ZEB1: variants seen among roughly 807,000 people sequenced by gnomAD.
ZEB1 encodes the protein zinc finger E-box-binding homeobox 1.
ZEB1 carries 21 observed loss-of-function variants against 84.9 expected under a neutral mutation model. The observed-to-expected ratio is 0.25, with a 90% CI of 0.18 to 0.36. The LOEUF (loss-of-function observed/expected upper bound fraction) is 0.36. ZEB1 is among the 10% of genes least tolerant of loss of function. The pLI is 1.00. For missense variants in ZEB1, 1,104 were observed against 1,330.2 expected (o/e 0.83, Z 2.65); for synonymous variants, 420 against 471.1 (o/e 0.89, Z 1.41).
chr10:31,480,780 T>C (rs2064945044), intron 2 of ZEB1, among the ~76,000 whole-genome samples: 1 of 152,062 alleles, frequency 6.6e-6, no homozygotes, highest in Non-Finnish European at 1.5e-5. Flanking sequence ...TGTGTATAGG[T>C]CTTTTGGTCA....
chr10:31,483,047 A>G (rs963827555), intron 2 of ZEB1, among the ~76,000 whole-genome samples: 5 of 152,172 alleles, frequency 3.3e-5, no homozygotes, highest in Admixed American at 6.6e-5. Context: ...AGGATAAATC[A>G]GGCTAATTCT....
At chr10:31,412,679 T>G (rs1437693225) in intron 1 of ZEB1, among the ~76,000 whole-genome samples, 1 of 152,212 alleles carries the variant, frequency 6.6e-6, no homozygotes, top group Non-Finnish European at 1.5e-5. Flanking sequence ...AAAGCACACC[T>G]CTTTAAGACT....
Position 31,510,769 on chromosome 10 carries a change from A to G in ZEB1, c.581A>G (p.His194Arg). The stretch of plus-strand genomic sequence containing the variant: ...CTGAAAGAACACATTAAATATCGTC[A>G]TGAAAAGAATGAAGATAACTTTAGT... ...TSLKEHIKYR[H>R]EKNEDNFSCS... is the part of the protein sequence containing the mutation. Residue 194 changes from histidine to arginine, a missense_variant, in exon 5 of 9, where the codon CAT (histidine) becomes CGT (arginine). Around this residue, in one of 7 missense-constraint regions of ZEB1, gnomAD observed 71 missense variants for 119.1 expected, o/e 0.60. Transcript: ENST00000424869. 1 of 1,613,988 alleles carries G rather than the reference A, an allele frequency of 6.2e-7. No homozygotes were observed. The highest frequency in any genetic ancestry group is 8.5e-7 in the Non-Finnish European group (1 of 1,179,922).
chr10:31,347,137 G>A lies in ZEB1; in HGVS notation c.58+27845G>A, dbSNP rs79334467. 7.6e-3 allele frequency among the ~76,000 whole-genome samples: 1,156 copies of A among 152,126 alleles called. 11 individuals are homozygous for A. Among genetic ancestry groups the A allele is most frequent in the African/African-American group, 0.021 (883 of 41,512 alleles). On this transcript the variant is annotated intron_variant, in intron 1 of 8. Coordinates refer to ENST00000424869, the MANE Select transcript of ZEB1 (RefSeq NM_001174096.2). ...TTTTAACTACCTTCAAGTGATTATC[G>A]AGGCAGGTTTTTCTTCCCTATGAGG...
At chr10:31,495,625 A>G (rs41289011) in intron 2 of ZEB1, 151 bp from the exon 3 acceptor site, 29,710 of 690,438 alleles carry the variant, frequency 0.043, 783 homozygotes, top group Middle Eastern at 0.075. Context: ...ATAGCTGTAT[A>G]TATTTGGGGA....
At chr10:31,344,748 G>T (rs577430388) in intron 1 of ZEB1, among the ~76,000 whole-genome samples, 1 of 152,042 alleles carries the variant, frequency 6.6e-6, no homozygotes, top group East Asian at 1.9e-4. Context: ...TTTAGACTCC[G>T]ATTGTGGGAA....
At chr10:31,409,312 T>C (rs1474945812) in intron 1 of ZEB1, among the ~76,000 whole-genome samples, 1 of 152,094 alleles carries the variant, frequency 6.6e-6, no homozygotes, top group African/African-American at 2.4e-5. Context: ...TGTAAACTAG[T>C]TCAACCATTG....
At chr10:31,391,581 C>T (rs545379753) in intron 1 of ZEB1, among the ~76,000 whole-genome samples, 266 of 152,252 alleles carry the variant, frequency 1.7e-3, no homozygotes, top group Middle Eastern at 3.4e-3. Context: ...CAGATTAACA[C>T]ATCTATATAA....
chr10:31,403,219 T>G (rs2052388727), intron 1 of ZEB1, among the ~76,000 whole-genome samples: 1 of 152,226 alleles, frequency 6.6e-6, no homozygotes, highest in East Asian at 1.9e-4. Flanking sequence ...ATAGTAATAC[T>G]AAGTTTCAGA....
At chr10:31,341,784 A>G (rs1246831634) in intron 1 of ZEB1, among the ~76,000 whole-genome samples, 3 of 152,210 alleles carry the variant, frequency 2.0e-5, no homozygotes, top group Admixed American at 6.5e-5. Context: ...ACTGAAAAAA[A>G]TGAAATAATC....
chr10:31,355,174 G>A (rs1477465218), intron 1 of ZEB1: 1 of 152,020 alleles, frequency 6.6e-6, no homozygotes, highest in Non-Finnish European at 1.5e-5. Flanking sequence ...AGCAGGCATT[G>A]GATAATATTC....
chr10:31,355,456 C>A (rs149907499), intron 1 of ZEB1, among the ~76,000 whole-genome samples: 188 of 152,198 alleles, frequency 1.2e-3, no homozygotes, highest in African/African-American at 4.1e-3. Context: ...CTCACGAAAC[C>A]AGCAGCTTTG....
chr10:31,520,512 G>A lies in ZEB1; in HGVS notation c.1180G>A (p.Ala394Thr), dbSNP rs778575337. The A allele has an allele frequency of 6.2e-7, 1 of 1,613,766 alleles. No individual in the cohort carries two copies. Among genetic ancestry groups the A allele is most frequent in the Non-Finnish European group, 8.5e-7 (1 of 1,179,682 alleles). Residue 394 changes from alanine (A) to threonine (T), a missense_variant, in exon 7 of 9, where the codon GCT (alanine) becomes ACT (threonine). Around this residue, in one of 7 missense-constraint regions of ZEB1, gnomAD observed 111 missense variants for 161.8 expected, o/e 0.69. Coordinates refer to ENST00000424869, the MANE Select transcript of ZEB1 (RefSeq NM_001174096.2). The surrounding 1 kb of genome is among the most constrained non-coding windows in gnomAD (Gnocchi z 5.1). ...ATSSPQGMVQ[A>T]VVLPTVGLVS... ...CAGTTCTCCTCAGGGCATGGTGCAA[G>A]CTGTTGTTCTGCCAACAGTTGGTTT... is the stretch of plus-strand genomic sequence containing the variant.
At chr10:31,347,107 T>C (rs2040450255) in intron 1 of ZEB1, among the ~76,000 whole-genome samples, 1 of 152,160 alleles carries the variant, frequency 6.6e-6, no homozygotes, top group African/African-American at 2.4e-5. Flanking sequence ...GTTAGGAAAC[T>C]CATTTTTTAA....
chr10:31,467,472 C>T (rs377375790), intron 2 of ZEB1, among the ~76,000 whole-genome samples: 1 of 152,180 alleles, frequency 6.6e-6, no homozygotes, highest in Non-Finnish European at 1.5e-5. Context: ...AAACCACACA[C>T]GACCATGCCT....
At chr10:31,524,594 C>T (rs1260839752) in intron 8 of ZEB1, among the ~76,000 whole-genome samples, 2 of 151,988 alleles carry the variant, frequency 1.3e-5, no homozygotes, top group African/African-American at 4.8e-5. Context: ...AAGGTCTGTG[C>T]CTTTCTTTTG....
chr10:31,352,743 A>T (rs181399474), intron 1 of ZEB1, among the ~76,000 whole-genome samples: 36 of 152,280 alleles, frequency 2.4e-4, no homozygotes, highest in African/African-American at 7.7e-4. Context: ...CCAAAAAGAA[A>T]TGTTCCAAGG....
chr10:31,408,984 G>T (rs1350420003), intron 1 of ZEB1, among the ~76,000 whole-genome samples: 8 of 151,286 alleles, frequency 5.3e-5, no homozygotes, highest in East Asian at 1.9e-4. Flanking sequence ...GAAAATTTTT[G>T]CAACCTACTC....
At chr10:31,424,696 A>G (rs974829033) in intron 1 of ZEB1, among the ~76,000 whole-genome samples, 1 of 151,994 alleles carries the variant, frequency 6.6e-6, no homozygotes, top group African/African-American at 2.4e-5. Flanking sequence ...AGTTTGCTAA[A>G]CTAGTGTTAG....
Sources: gnomAD v4.1 joint callset for allele counts (sites outside exome capture counted in the v4.1 genomes callset) on GRCh38, gnomAD v4.1.1 for gene constraint, gnomAD v4.1.1 regional missense constraint, Gnocchi (gnomAD v3.1) non-coding constraint, MANE v1.5 for transcripts, NCBI Gene and HGNC (gene_info 2026-07-23, HGNC 2026-07-21) for gene names.